Variants in GBE1 observed in about 807,000 individuals in gnomAD.
The protein encoded by GBE1 is 1,4-alpha-glucan branching enzyme 1.
A neutral mutation model predicts 88.8 loss-of-function variants in GBE1; 70 were observed. The ratio of observed to expected loss-of-function variants is 0.79; its 90% confidence interval spans 0.65 to 0.96. GBE1 has a LOEUF of 0.96. Among genes scored for constraint, GBE1 ranks in the 40% least tolerant of loss-of-function variants. The probability of loss-of-function intolerance (pLI) is 0.00; values close to 1 mark genes in which losing one functional copy is unlikely to be tolerated. For synonymous variants in GBE1, 284 were observed against 300.1 expected (o/e 0.95, Z 0.56); for missense variants, 872 against 871.0 (o/e 1.00, Z -0.01).
intron 1 of GBE1, among the ~76,000 whole-genome samples, chr3:81,748,799 G>C (rs893374960): frequency 4.6e-5 from 7 of 151,786 alleles, no homozygotes; most frequent in African/African-American, 1.7e-4. Flanking sequence ...ATGAGGTCAA[G>C]AGATCGAGAC....
intron 7 of GBE1, among the ~76,000 whole-genome samples, chr3:81,614,948 G>C (rs933798644): frequency 6.6e-6 from 1 of 151,934 alleles, no homozygotes; most frequent in Non-Finnish European, 1.5e-5. Flanking sequence ...AGAATCGTCT[G>C]AGCCCAGGGC....
intron 2 of GBE1, among the ~76,000 whole-genome samples, chr3:81,690,968 T>C (rs1308303710): frequency 6.6e-6 from 1 of 152,016 alleles, no homozygotes; most frequent in Non-Finnish European, 1.5e-5. Context: ...TTAGGAACTA[T>C]GCTAACAGCT....
At chr3:81,739,015 CTTG>C (rs1208771856) in intron 1 of GBE1, among the ~76,000 whole-genome samples, 1 of 152,088 alleles carries the variant, frequency 6.6e-6, no homozygotes, top group Non-Finnish European at 1.5e-5. Flanking sequence ...TAGTTGGTGC[CTTG>C]TTGTTGCTTC....
chr3:81,703,343 C>T (rs1216496351), intron 2 of GBE1, among the ~76,000 whole-genome samples: 2 of 151,916 alleles, frequency 1.3e-5, no homozygotes, highest in African/African-American at 4.8e-5. Flanking sequence ...TATCAGATCT[C>T]GTGGTCTTTT....
intron 3 of GBE1, among the ~76,000 whole-genome samples, chr3:81,668,460 C>T (rs1248100044): frequency 6.6e-6 from 1 of 152,120 alleles, no homozygotes; most frequent in Non-Finnish European, 1.5e-5. Flanking sequence ...AATAAAAGTA[C>T]TTACTGTATC....
intron 7 of GBE1, among the ~76,000 whole-genome samples, chr3:81,631,745 C>CAA (rs201104083): frequency 4.5e-4 from 54 of 120,020 alleles, no homozygotes; most frequent in African/African-American, 1.1e-3. Context: ...GACTCTGTCT[C>CAA]AAAAAAAAAA....
At chr3:81,553,583 CTTTT>C (rs34551400) in intron 12 of GBE1, among the ~76,000 whole-genome samples, 2 of 133,626 alleles carry the variant, frequency 1.5e-5, no homozygotes, top group Admixed American at 7.8e-5. Flanking sequence ...TGGAAAATGT[CTTTT>C]TTTTTTTTTT....
chr3:81,617,277 A>G (rs181990812), intron 7 of GBE1, among the ~76,000 whole-genome samples: 268 of 152,062 alleles, frequency 1.8e-3, no homozygotes, highest in Admixed American at 2.4e-3. Flanking sequence ...GTGTTAAATA[A>G]GAATGGTGAT....
intron 7 of GBE1, among the ~76,000 whole-genome samples, chr3:81,637,794 T>C (rs1704611371): frequency 2.6e-5 from 4 of 152,250 alleles, no homozygotes; most frequent in African/African-American, 7.2e-5. Flanking sequence ...TACTGATGCA[T>C]AATAACCCTC....
chr3:81,577,857 A>G (rs1247469063), intron 12 of GBE1, 68 bp downstream of exon 12: 1 of 1,258,244 alleles, frequency 7.9e-7, no homozygotes, highest in African/African-American at 1.5e-5. Flanking sequence ...AAAATATTCT[A>G]CATGATTTAT....
chr3:81,510,573 T>C (rs1044176880), intron 14 of GBE1, among the ~76,000 whole-genome samples: 1 of 152,026 alleles, frequency 6.6e-6, no homozygotes, highest in Non-Finnish European at 1.5e-5. Context: ...AGATTAATTA[T>C]TGTGAGGAGA....
At chr3:81,670,810 C>G in intron 3 of GBE1, 28 bp downstream of exon 3, 2 of 1,240,408 alleles carry the variant, frequency 1.6e-6, no homozygotes, top group Non-Finnish European at 2.2e-6. Context: ...ATGATAAGTT[C>G]AAGAAAAAAT....
chr3:81,607,226 T>A (rs1704115524), intron 7 of GBE1, among the ~76,000 whole-genome samples: 1 of 152,208 alleles, frequency 6.6e-6, no homozygotes, highest in African/African-American at 2.4e-5. Flanking sequence ...GAAAAACTAT[T>A]GTTTACCTCT....
chr3:81,651,391 C>T (rs767755256), intron 3 of GBE1, among the ~76,000 whole-genome samples: 6 of 152,102 alleles, frequency 3.9e-5, no homozygotes, highest in Non-Finnish European at 7.4e-5. Flanking sequence ...TGGTTTATGA[C>T]GGAGAGGCCA....
chr3:81,544,204 T>A (rs926404159), intron 12 of GBE1, among the ~76,000 whole-genome samples: 24 of 152,152 alleles, frequency 1.6e-4, no homozygotes, highest in Non-Finnish European at 3.2e-4. Context: ...AAAGGAAGCA[T>A]TTTTAAAACC....
At chr3:81,512,741 G>T (rs1469230044) in intron 14 of GBE1, among the ~76,000 whole-genome samples, 1 of 151,772 alleles carries the variant, frequency 6.6e-6, no homozygotes, top group Non-Finnish European at 1.5e-5. Flanking sequence ...GACAAAAAAT[G>T]CTTGCCTAAC....
chr3:81,634,136 A>G (rs1447826535), intron 7 of GBE1, among the ~76,000 whole-genome samples: 3 of 152,208 alleles, frequency 2.0e-5, no homozygotes, highest in Non-Finnish European at 4.4e-5. Context: ...TGCTTCTCTC[A>G]GTTACCTGCC....
chr3:81,597,880 T>C (rs886550621), intron 7 of GBE1, among the ~76,000 whole-genome samples: 3 of 151,870 alleles, frequency 2.0e-5, no homozygotes, highest in Non-Finnish European at 4.4e-5. Flanking sequence ...AATCAAGTAA[T>C]GAGGATTTAT....
chr3:81,718,456 G>A (rs550087156), intron 1 of GBE1, among the ~76,000 whole-genome samples: 11 of 152,160 alleles, frequency 7.2e-5, no homozygotes, highest in South Asian at 2.1e-4. Flanking sequence ...ACCCAACACC[G>A]GGAGAAGTAG....
Sources: allele counts gnomAD v4.1 joint callset (sites outside exome capture counted in the v4.1 genomes callset), GRCh38; gene constraint gnomAD v4.1.1; transcripts MANE v1.5; gene names NCBI Gene and HGNC (gene_info 2026-07-23, HGNC 2026-07-21).